The following MACROD2 variants were observed in gnomAD, a reference collection of about 807,000 sequenced individuals.
The protein encoded by MACROD2 is mono-ADP ribosylhydrolase 2.
Under a neutral mutation model 70.4 loss-of-function variants are expected in MACROD2, and 36 were observed. The observed-to-expected ratio is 0.51, with a 90% confidence interval of 0.39 to 0.68. The LOEUF (loss-of-function observed/expected upper bound fraction) is 0.68. MACROD2 is among the 30% of genes least tolerant of loss of function. MACROD2 has a pLI of 0.00. For synonymous variants in MACROD2, 172 were observed against 178.8 expected (o/e 0.96, Z 0.30); for missense variants, 496 against 538.4 (o/e 0.92, Z 0.78).
chr20:14,852,763 G>C (rs2073212732), intron 5 of MACROD2, among the ~76,000 whole-genome samples: 1 of 152,150 alleles, frequency 6.6e-6, no homozygotes, highest in Admixed American at 6.5e-5. Flanking sequence ...GCAGAAATTT[G>C]CTTTCATGGC....
intron 5 of MACROD2, among the ~76,000 whole-genome samples, chr20:14,791,553 C>T (rs1248818139): frequency 6.6e-6 from 1 of 152,012 alleles, no homozygotes; most frequent in African/African-American, 2.4e-5. Flanking sequence ...TAATTTTCTT[C>T]ATGTGGAACA....
chr20:14,061,892 T>C (rs1207916943), intron 2 of MACROD2, among the ~76,000 whole-genome samples: 1 of 152,162 alleles, frequency 6.6e-6, no homozygotes, highest in Admixed American at 6.5e-5. Flanking sequence ...ATAAAATAAT[T>C]TGAGGAGTGG....
At chr20:14,494,784 T>A (rs1339257293) in intron 4 of MACROD2, among the ~76,000 whole-genome samples, 3 of 152,298 alleles carry the variant, frequency 2.0e-5, no homozygotes, top group East Asian at 3.9e-4. Context: ...GGATGTTTCA[T>A]TGCACTTGTT....
intron 5 of MACROD2, among the ~76,000 whole-genome samples, chr20:15,104,330 A>G (rs2075895371): frequency 6.6e-6 from 1 of 152,136 alleles, no homozygotes; most frequent in African/African-American, 2.4e-5. Context: ...GTGAATATCC[A>G]CAGCAAGCAG....
rs917036571 is a variant in MACROD2 at position 14,963,034 on chromosome 20, C to G, written c.419-266906C>G. On this transcript the variant is annotated intron_variant, in intron 5 of 17. Transcript: ENST00000684519. ...TAAATTTTTAAGATAGTTTAGGACT[C>G]CGATAACTATTATGTCTTAGCTAGT... Among the ~76,000 whole-genome samples the G allele has an allele frequency of 2.0e-5, 3 of 152,084 alleles. 1 individual carries two copies. Among genetic ancestry groups the G allele is most frequent in the Non-Finnish European group, 4.4e-5 (3 of 68,022 alleles).
At chr20:14,319,866 C>G (rs2082643644) in intron 3 of MACROD2, among the ~76,000 whole-genome samples, 1 of 152,086 alleles carries the variant, frequency 6.6e-6, no homozygotes, top group Admixed American at 6.6e-5. Flanking sequence ...TCTTTTCTCT[C>G]TGCTTATTTT....
chr20:14,620,498 C>T (rs1473736955), intron 4 of MACROD2, among the ~76,000 whole-genome samples: 1 of 151,948 alleles, frequency 6.6e-6, no homozygotes, highest in Non-Finnish European at 1.5e-5. Flanking sequence ...AAAAAGTTTT[C>T]TTTTGTTTAT....
chr20:14,489,466 T>C (rs1465937431), intron 3 of MACROD2, among the ~76,000 whole-genome samples: 1 of 152,238 alleles, frequency 6.6e-6, no homozygotes, highest in African/African-American at 2.4e-5. Context: ...ATGTATGCCA[T>C]TCTGAAAGGT....
At chr20:14,715,891 A>G (rs1356216794) in intron 5 of MACROD2, among the ~76,000 whole-genome samples, 1 of 152,204 alleles carries the variant, frequency 6.6e-6, no homozygotes, top group East Asian at 1.9e-4. Context: ...AACAGAAAAA[A>G]TGATAATTAA....
intron 5 of MACROD2, among the ~76,000 whole-genome samples, chr20:15,066,879 C>G (rs561546226): frequency 6.9e-6 from 1 of 144,428 alleles, no homozygotes. Flanking sequence ...GAGACTCTGT[C>G]TCGAAAAAAA....
intron 5 of MACROD2, among the ~76,000 whole-genome samples, chr20:15,189,243 T>A (rs2076553799): frequency 6.7e-6 from 1 of 150,208 alleles, no homozygotes; most frequent in South Asian, 2.1e-4. Flanking sequence ...AACCAGGACT[T>A]ATTTTTTTTT....
chr20:15,859,001 C>G (rs932703594), intron 8 of MACROD2, among the ~76,000 whole-genome samples: 1 of 152,098 alleles, frequency 6.6e-6, no homozygotes, highest in Non-Finnish European at 1.5e-5. Context: ...CTACTATTGA[C>G]TAGAAGCCTT....
chr20:15,747,368 G>A (rs944298899), intron 8 of MACROD2, among the ~76,000 whole-genome samples: 2 of 152,096 alleles, frequency 1.3e-5, no homozygotes, highest in African/African-American at 2.4e-5. Context: ...CCCTGCTGAG[G>A]CCTCTCAGGT....
chr20:14,853,131 C>T (rs938739533), intron 5 of MACROD2, among the ~76,000 whole-genome samples: 1 of 148,414 alleles, frequency 6.7e-6, no homozygotes. Flanking sequence ...TCACTGTTTT[C>T]ATTTATTCTC....
At chr20:14,088,697 G>A (rs2054112856) in intron 3 of MACROD2, among the ~76,000 whole-genome samples, 1 of 152,114 alleles carries the variant, frequency 6.6e-6, no homozygotes, top group South Asian at 2.1e-4. Context: ...GGATTTTGCT[G>A]TCTTCCCATG....
At chr20:15,028,439 T>C (rs1568539076) in intron 5 of MACROD2, among the ~76,000 whole-genome samples, 1 of 152,212 alleles carries the variant, frequency 6.6e-6, no homozygotes, top group Non-Finnish European at 1.5e-5. Flanking sequence ...AAACAAGGTC[T>C]GGCATATCAC....
At chr20:14,073,454 G>A (rs144819776) in intron 2 of MACROD2, among the ~76,000 whole-genome samples, 8 of 152,084 alleles carry the variant, frequency 5.3e-5, no homozygotes, top group Non-Finnish European at 1.0e-4. Context: ...AAAGAATACT[G>A]AAATGAATTT....
chr20:14,069,324 C>T (rs147877889), intron 2 of MACROD2, among the ~76,000 whole-genome samples: 4 of 152,194 alleles, frequency 2.6e-5, no homozygotes, highest in African/African-American at 9.6e-5. Context: ...ACTTAGATTT[C>T]CTTTTTTTCC....
At chr20:14,725,680 C>CA (rs575627175) in intron 5 of MACROD2, among the ~76,000 whole-genome samples, 57 of 152,174 alleles carry the variant, frequency 3.7e-4, no homozygotes, top group African/African-American at 8.4e-4. Flanking sequence ...AGGTTACCAG[C>CA]AAAAAACTGA....
Sources: gnomAD v4.1 joint callset for allele counts (sites outside exome capture counted in the v4.1 genomes callset) on GRCh38, gnomAD v4.1.1 for gene constraint, MANE v1.5 for transcripts, NCBI Gene and HGNC (gene_info 2026-07-23, HGNC 2026-07-21) for gene names.